Variants in CALN1 observed in about 807,000 individuals in gnomAD.
The protein encoded by CALN1 is calcium-binding protein 8.
A neutral mutation model predicts 30.6 loss-of-function variants in CALN1; 17 were observed. That is an observed-to-expected ratio of 0.56 (90% confidence interval 0.38 to 0.83). The LOEUF (loss-of-function observed/expected upper bound fraction) is 0.83, where lower values mean the gene tolerates loss of function less well. Ranked by LOEUF, CALN1 falls within the 40% of genes least tolerant of loss-of-function variation. The pLI, the probability that CALN1 is intolerant of heterozygous loss-of-function variation, is 0.00. For missense variants in CALN1, 291 were observed against 354.9 expected, an observed-to-expected ratio of 0.82 and a Z score of 1.45; for synonymous variants, 156 against 131.4, an observed-to-expected ratio of 1.19 and a Z score of -1.28.
At chr7:72,263,179 T>C (rs769082203) in intron 3 of CALN1, among the ~76,000 whole-genome samples, 2 of 152,190 alleles carry the variant, frequency 1.3e-5, no homozygotes, top group Non-Finnish European at 2.9e-5. Context: ...CCTGCTATTG[T>C]TCCCATACTG....
chr7:71,790,424 G>GCAAGCAAGC (rs1554337177), intron 6 of CALN1, among the ~76,000 whole-genome samples: 1 of 147,950 alleles, frequency 6.8e-6, no homozygotes, highest in African/African-American at 2.5e-5. Context: ...AAGAAAGAAA[G>GCAAGCAAGC]AAGCAAGCAA....
intron 5 of CALN1, among the ~76,000 whole-genome samples, chr7:72,013,021 C>T (rs1169327768): frequency 1.3e-5 from 2 of 152,076 alleles, no homozygotes; most frequent in African/African-American, 4.8e-5. Context: ...TGGTCTCTAA[C>T]TCCTGACCTC....
At chr7:72,315,876 G>A (rs1307785138) in intron 2 of CALN1, among the ~76,000 whole-genome samples, 3 of 152,076 alleles carry the variant, frequency 2.0e-5, no homozygotes, top group African/African-American at 4.8e-5. Context: ...CCGGCCGGGC[G>A]CGAATCATGC....
At chr7:72,184,397 C>G (rs922005563) in intron 3 of CALN1, among the ~76,000 whole-genome samples, 4 of 152,148 alleles carry the variant, frequency 2.6e-5, no homozygotes, top group African/African-American at 4.8e-5. Flanking sequence ...TGTAAGCATT[C>G]TATGTGTGAT....
chr7:71,822,324 C>T (rs1446414416), intron 5 of CALN1, among the ~76,000 whole-genome samples: 1 of 152,180 alleles, frequency 6.6e-6, no homozygotes. Flanking sequence ...TCTTGGCTCA[C>T]TGCAACCTCC....
intron 3 of CALN1, among the ~76,000 whole-genome samples, chr7:72,273,421 C>CAAAA (rs71069048): frequency 2.1e-5 from 2 of 94,548 alleles, no homozygotes; most frequent in African/African-American, 8.7e-5. Context: ...GACTCCATCT[C>CAAAA]AAAAAAAAAA....
chr7:72,054,832 C>T (rs756487168), intron 4 of CALN1, among the ~76,000 whole-genome samples: 2 of 151,842 alleles, frequency 1.3e-5, no homozygotes, highest in African/African-American at 2.4e-5. Flanking sequence ...CAAAATAATC[C>T]GTATGACAAA....
At chr7:71,796,741 T>TA (rs1383203963) in intron 6 of CALN1, among the ~76,000 whole-genome samples, 2 of 152,158 alleles carry the variant, frequency 1.3e-5, no homozygotes, top group African/African-American at 4.8e-5. Context: ...ATCTTCCCAC[T>TA]AAACCTTGGG....
chr7:72,210,588 C>G (rs1199081302), intron 3 of CALN1, among the ~76,000 whole-genome samples: 1 of 151,992 alleles, frequency 6.6e-6, no homozygotes, highest in African/African-American at 2.4e-5. Flanking sequence ...GCACCTTATT[C>G]ACAAGGAGGT....
chr7:71,780,161 G>T lies in CALN1; in HGVS notation c.*7614C>A, dbSNP rs1792642371. The T allele has an allele frequency of 6.6e-6, 1 of 152,098 alleles. No individual in the cohort carries two copies. The allele number at this position is 152,098 out of a possible 1,614,324, so 9.4% of individuals were successfully genotyped here. On this transcript the variant is annotated 3_prime_UTR_variant, in exon 7 of 7. Coordinates refer to ENST00000395275, the MANE Select transcript of CALN1 (RefSeq NM_031468.4). ...AAGCTTCTTCCTGGATTCAGAACTG[G>T]GGAAGAAAATCAGACCCCAATAAGG...
chr7:72,417,565 C>T (rs1373830082), intron 1 of CALN1, among the ~76,000 whole-genome samples: 1 of 152,214 alleles, frequency 6.6e-6, no homozygotes, highest in Non-Finnish European at 1.5e-5. Context: ...TCCTAAGTGA[C>T]TATTTAATCA....
At chr7:72,034,713 G>A (rs926814428) in intron 4 of CALN1, among the ~76,000 whole-genome samples, 1 of 150,682 alleles carries the variant, frequency 6.6e-6, no homozygotes, top group Non-Finnish European at 1.5e-5. Flanking sequence ...GCTTGAACCT[G>A]GGAGGCGGAG....
At chr7:72,492,933 A>G in the CALN1 span, among the ~76,000 whole-genome samples, 2 of 152,074 alleles carry the variant, frequency 1.3e-5, no homozygotes, top group African/African-American at 4.8e-5. Flanking sequence ...AATCACAAGG[A>G]CAACAAGATA....
chr7:72,035,081 T>C (rs1014207641), intron 4 of CALN1, among the ~76,000 whole-genome samples: 4 of 152,206 alleles, frequency 2.6e-5, no homozygotes, highest in African/African-American at 7.2e-5. Flanking sequence ...GAGCATGTTC[T>C]CATGACAGCT....
At chr7:72,166,699 G>A (rs1037244358) in intron 3 of CALN1, among the ~76,000 whole-genome samples, 1 of 152,186 alleles carries the variant, frequency 6.6e-6, no homozygotes, top group African/African-American at 2.4e-5. Flanking sequence ...ATTCTTCAAA[G>A]GCTATGAATA....
chr7:71,863,345 G>A (rs1309518040), intron 5 of CALN1, among the ~76,000 whole-genome samples: 1 of 151,908 alleles, frequency 6.6e-6, no homozygotes, highest in Non-Finnish European at 1.5e-5. Context: ...ATCACCCGAG[G>A]TGAGGAGTTT....
At chr7:72,188,963 A>T (rs915304908) in intron 3 of CALN1, among the ~76,000 whole-genome samples, 1 of 152,142 alleles carries the variant, frequency 6.6e-6, no homozygotes, top group South Asian at 2.1e-4. Context: ...AGAGGGACTA[A>T]GCCTTCCTCC....
chr7:71,991,288 G>A (rs755476753), intron 5 of CALN1, among the ~76,000 whole-genome samples: 9 of 152,022 alleles, frequency 5.9e-5, no homozygotes, highest in Non-Finnish European at 1.3e-4. Context: ...GTGAAACCCC[G>A]TCTCTACTAA....
At position 71,787,785 on chromosome 7, in the gene CALN1, C is replaced by A; in HGVS notation, c.776G>T (p.Gly259Val). 1 of 1,613,774 alleles carries A rather than the reference C, an allele frequency of 6.2e-7. No individual in the cohort carries two copies. Among genetic ancestry groups the A allele is most frequent in the South Asian group, 1.1e-5 (1 of 91,054 alleles). ...GCTGGCGGGAGGCTGCTACTCCATGCCGCTCCGGAGTATCTGGTTGGCTGC... is the reference window on the plus strand; with the variant it reads ...GCTGGCGGGAGGCTGCTACTCCATGACGCTCCGGAGTATCTGGTTGGCTGC... ...LIAANQILRS[G>V]ME Residue 259 changes from glycine (G) to valine (V), a missense_variant, in exon 7 of 7, where the codon GGC becomes GTC. By Grantham distance (109) the Gly-to-Val change is moderately radical. Around this residue, in one of 2 missense-constraint regions of CALN1, gnomAD observed 169 missense variants for 251.7 expected, o/e 0.67. Transcript: ENST00000395275.
Sources: gnomAD v4.1 joint callset for allele counts (sites outside exome capture counted in the v4.1 genomes callset) on GRCh38, gnomAD v4.1.1 for gene constraint, gnomAD v4.1.1 regional missense constraint, MANE v1.5 for transcripts, NCBI Gene and HGNC (gene_info 2026-07-23, HGNC 2026-07-21) for gene names.